The following DAB1 variants were observed in gnomAD, a reference collection of about 807,000 sequenced individuals.
DAB1 encodes DAB adaptor protein 1, also known as disabled homolog 1.
Under a neutral mutation model 64.6 loss-of-function variants are expected in DAB1, and 15 were observed. That is an observed-to-expected ratio of 0.23 (90% CI 0.16 to 0.36). DAB1 has a LOEUF of 0.36. Ranked by LOEUF, DAB1 falls within the 10% of genes least tolerant of loss-of-function variation. The pLI, the probability that DAB1 is intolerant of heterozygous loss-of-function variation, is 1.00. For missense variants in DAB1, 596 were observed against 706.7 expected (o/e 0.84, Z 1.78); for synonymous variants, 235 against 251.9 (o/e 0.93, Z 0.64).
chr1:58,185,927 G>A (rs1217507412), intron 4 of DAB1, among the ~76,000 whole-genome samples: 2 of 152,164 alleles, frequency 1.3e-5, no homozygotes, highest in South Asian at 2.1e-4. Flanking sequence ...TTGTGTGGTG[G>A]ATACTGTGGT....
At chr1:57,266,073 A>G (rs1670569680) in intron 2 of DAB1, among the ~76,000 whole-genome samples, 1 of 152,146 alleles carries the variant, frequency 6.6e-6, no homozygotes, top group African/African-American at 2.4e-5. Context: ...GGGACTCCCA[A>G]TTTAGAGGGA....
chr1:57,273,564 T>C (rs1671196046), intron 2 of DAB1, among the ~76,000 whole-genome samples: 1 of 50,986 alleles, frequency 2.0e-5, no homozygotes, highest in Admixed American at 2.7e-4. Context: ...CCTTCCTTCC[T>C]TCCTTCCTTC....
chr1:57,430,936 A>G (rs1685483814), intron 7 of DAB1, among the ~76,000 whole-genome samples: 2 of 151,964 alleles, frequency 1.3e-5, no homozygotes, highest in Non-Finnish European at 2.9e-5. Context: ...GTCCTGAAAC[A>G]ACTCATAGCC....
At chr1:57,460,387 G>A (rs1206799290) in intron 7 of DAB1, among the ~76,000 whole-genome samples, 2 of 152,266 alleles carry the variant, frequency 1.3e-5, no homozygotes, top group Middle Eastern at 3.4e-3. Flanking sequence ...ATCCATCCTA[G>A]CCACACAGAA....
chr1:57,282,182 CAAAAAAAAAAAAAAAAA>C (rs61512431), intron 2 of DAB1, among the ~76,000 whole-genome samples: 2 of 92,768 alleles, frequency 2.2e-5, no homozygotes, highest in Non-Finnish European at 4.3e-5. Context: ...GCCTTCTTCT[CAAAAAAAAAAAAAAAAA>C]AAAAAAAAAA....
At chr1:58,384,208 A>G (rs1644413944) in intron 3 of DAB1, among the ~76,000 whole-genome samples, 1 of 152,160 alleles carries the variant, frequency 6.6e-6, no homozygotes, top group African/African-American at 2.4e-5. Context: ...TCAGCCTTTA[A>G]AAAAAAGAAA....
At chr1:58,047,380 T>C (rs185233645) in intron 5 of DAB1, among the ~76,000 whole-genome samples, 186 of 152,314 alleles carry the variant, frequency 1.2e-3, no homozygotes, top group Admixed American at 3.5e-3. Flanking sequence ...TAGCCACGTG[T>C]GGTTGGACAG....
intron 6 of DAB1, among the ~76,000 whole-genome samples, chr1:57,723,709 G>T (rs1284412816): frequency 6.6e-6 from 1 of 152,152 alleles, no homozygotes; most frequent in Non-Finnish European, 1.5e-5. Flanking sequence ...GCAGATATGT[G>T]GTGCTCCCAA....
At chr1:57,766,226 C>T (rs1251463288) in intron 6 of DAB1, among the ~76,000 whole-genome samples, 1 of 151,352 alleles carries the variant, frequency 6.6e-6, no homozygotes, top group Non-Finnish European at 1.5e-5. Flanking sequence ...TGTGTCCACC[C>T]TTGTCTCTCT....
intron 5 of DAB1, among the ~76,000 whole-genome samples, chr1:58,129,905 G>C (rs1476194102): frequency 3.8e-4 from 56 of 147,252 alleles, no homozygotes; most frequent in African/African-American, 1.3e-3. Context: ...AATAGGTGTG[G>C]TGTGGTGCTG....
chr1:58,487,366 A>T lies in DAB1; in HGVS notation n.257+18694T>A, dbSNP rs182504210. On this transcript the variant is annotated intron_variant and non_coding_transcript_variant, in intron 3 of 20. Transcript: ENST00000485760. ...TGAGGATAATTAACTTGCTCACAGT[A>T]AATAATTACTGTAATATAATATCGT... Among the ~76,000 whole-genome samples the T allele has an allele frequency of 4.2e-3, 634 of 152,382 alleles. 4 individuals carry two copies. The highest frequency in any genetic ancestry group is 6.0e-3 in the Non-Finnish European group (411 of 68,036).
rs571904724 is a variant in DAB1, at chr1:57,797,452, C to G, written n.551+86547G>C. Among the ~76,000 whole-genome samples the G allele has an allele frequency of 8.5e-5, 13 of 152,338 alleles. No individual in the cohort carries two copies. In the South Asian group the frequency reaches 2.7e-3, roughly 32 times the overall value. ...TTCCCGTCTTTCTCTTCACGTTCTTCTATAACACATTTAATCTAATCTTGG... is the reference window on the plus strand; with the variant it reads ...TTCCCGTCTTTCTCTTCACGTTCTTGTATAACACATTTAATCTAATCTTGG... On this transcript the variant is annotated intron_variant and non_coding_transcript_variant, in intron 6 of 20. Transcript: ENST00000485760.
At chr1:57,848,507 T>C (rs1275582104) in intron 1 of DAB1, among the ~76,000 whole-genome samples, 3 of 152,228 alleles carry the variant, frequency 2.0e-5, no homozygotes, top group Admixed American at 2.0e-4. Context: ...GAAAACCACT[T>C]GGACATCTTG....
chr1:58,015,143 T>C (rs1320784780), intron 5 of DAB1, among the ~76,000 whole-genome samples: 3 of 152,076 alleles, frequency 2.0e-5, no homozygotes, highest in Non-Finnish European at 2.9e-5. Flanking sequence ...CCAAATGGAG[T>C]CCATGGGCCT....
chr1:57,167,023 T>G (rs541332656), intron 2 of DAB1, among the ~76,000 whole-genome samples: 199 of 152,328 alleles, frequency 1.3e-3, no homozygotes, highest in Admixed American at 5.2e-3. Flanking sequence ...TAAGTATGTC[T>G]TTGTTCAGGA....
intron 6 of DAB1, among the ~76,000 whole-genome samples, chr1:57,785,772 T>G (rs1371470316): frequency 6.6e-6 from 1 of 152,194 alleles, no homozygotes; most frequent in East Asian, 1.9e-4. Flanking sequence ...GTGAAGATGC[T>G]GTGAACATTG....
At chr1:57,274,641 C>T (rs529082272) in intron 2 of DAB1, among the ~76,000 whole-genome samples, 7 of 152,058 alleles carry the variant, frequency 4.6e-5, no homozygotes, top group South Asian at 2.1e-4. Flanking sequence ...AGTGCAGCTG[C>T]GCCATCTCAG....
chr1:57,889,068 G>C (rs954138534), upstream of DAB1, among the ~76,000 whole-genome samples: 1 of 152,174 alleles, frequency 6.6e-6, no homozygotes. Context: ...ACATTTTACT[G>C]TATTATCCTG....
In DAB1 at chr1:57,520,821, G is replaced by A. The variant is rs141166558; in HGVS notation, n.625+128771C>T. On this transcript the variant is annotated intron_variant and non_coding_transcript_variant, in intron 7 of 20. Coordinates refer to the DAB1 transcript ENST00000485760. Reference sequence around the variant, plus strand: ...TCAAAAAAGGATGTGCAAGCAGGCTGGAAAGTCAGGGAAAGCTTCCTAGAG... The same window carrying A: ...TCAAAAAAGGATGTGCAAGCAGGCTAGAAAGTCAGGGAAAGCTTCCTAGAG... Among the ~76,000 whole-genome samples, 475 of 152,126 alleles carry A rather than the reference G, an allele frequency of 3.1e-3. 2 individuals carry two copies. Among genetic ancestry groups the A allele is most frequent in the South Asian group, 6.0e-3 (29 of 4,818 alleles).
Sources: gnomAD v4.1 joint callset for allele counts (sites outside exome capture counted in the v4.1 genomes callset) on GRCh38, gnomAD v4.1.1 for gene constraint, MANE v1.5 for transcripts, NCBI Gene and HGNC (gene_info 2026-07-23, HGNC 2026-07-21) for gene names.